The following EFR3A variants were observed in gnomAD, a reference collection of about 807,000 sequenced individuals.
EFR3A encodes the protein EFR3 homolog A.
EFR3A carries 76 observed loss-of-function variants against 104.4 expected under a neutral mutation model. The observed-to-expected ratio is 0.73, with a 90% CI of 0.60 to 0.88. EFR3A has a LOEUF of 0.88. Among genes scored for constraint, EFR3A ranks in the 40% least tolerant of loss-of-function variants. EFR3A has a pLI of 0.00. For missense variants in EFR3A, 985 were observed against 1,012.5 expected (o/e 0.97, Z 0.37); for synonymous variants, 330 against 330.0 (o/e 1.00, Z 0.00).
intron 14 of EFR3A, among the ~76,000 whole-genome samples, chr8:131,980,160 C>G (rs1192142335): frequency 6.6e-6 from 1 of 152,048 alleles, no homozygotes; most frequent in Non-Finnish European, 1.5e-5. Flanking sequence ...GAAAAGGAGA[C>G]AGAGCCCCGT....
At chr8:131,975,826 C>T (rs1820299086) in intron 10 of EFR3A, among the ~76,000 whole-genome samples, 1 of 152,102 alleles carries the variant, frequency 6.6e-6, no homozygotes, top group African/African-American at 2.4e-5. Context: ...ATCTACCAGT[C>T]CATTATACAC....
chr8:131,926,549 T>C lies in EFR3A; in HGVS notation c.11-13950T>C, dbSNP rs1415857819. 5.3e-5 allele frequency among the ~76,000 whole-genome samples: 8 copies of C among 152,276 alleles called. No individual in the cohort carries two copies. In the East Asian group the frequency reaches 1.4e-3, roughly 26 times the overall value. On this transcript the variant is annotated intron_variant, in intron 1 of 22. Coordinates refer to ENST00000254624, the MANE Select transcript of EFR3A (RefSeq NM_015137.6). ...AAAATTACATTTTAAGATATATGTCTGCTTACTGCCAAAACTTATTTACTT... is the reference window on the plus strand; with the variant it reads ...AAAATTACATTTTAAGATATATGTCCGCTTACTGCCAAAACTTATTTACTT...
chr8:131,974,747 A>G (rs563149209), intron 10 of EFR3A, among the ~76,000 whole-genome samples: 4 of 152,336 alleles, frequency 2.6e-5, no homozygotes, highest in South Asian at 4.1e-4. Flanking sequence ...GAGTCATGTT[A>G]AGGTTATGAG....
At chr8:131,908,070 T>C (rs1188596829) in intron 1 of EFR3A, among the ~76,000 whole-genome samples, 1 of 151,188 alleles carries the variant, frequency 6.6e-6, no homozygotes, top group Non-Finnish European at 1.5e-5. Flanking sequence ...TTTTTTTTTT[T>C]CTTTTTTTGA....
At chr8:131,934,926 G>A (rs1362357721) in intron 1 of EFR3A, among the ~76,000 whole-genome samples, 2 of 152,072 alleles carry the variant, frequency 1.3e-5, no homozygotes, top group African/African-American at 2.4e-5. Context: ...GTCTTGTTCT[G>A]ACATCAACTG....
intron 1 of EFR3A, among the ~76,000 whole-genome samples, chr8:131,931,245 A>G (rs531776988): frequency 1.3e-5 from 2 of 152,286 alleles, no homozygotes; most frequent in South Asian, 4.1e-4. Flanking sequence ...CTATGGAAAC[A>G]TAGTTCGCTT....
intron 2 of EFR3A, among the ~76,000 whole-genome samples, chr8:131,941,913 C>T (rs542714022): frequency 4.6e-5 from 7 of 152,118 alleles, no homozygotes; most frequent in Non-Finnish European, 7.4e-5. Context: ...GTTTATATAA[C>T]CTAATTGTAG....
chr8:131,990,435 G>A (rs182273640), intron 18 of EFR3A, among the ~76,000 whole-genome samples: 93 of 152,282 alleles, frequency 6.1e-4, no homozygotes, highest in Non-Finnish European at 1.1e-3. Context: ...AGTAAACTGT[G>A]CTTCATATGG....
rs112472883 is a variant in EFR3A, at chr8:131,953,798, C to CTTT, written c.489-7_489-5dup. 354 of 1,359,836 alleles carry CTTT rather than the reference C, an allele frequency of 2.6e-4. No homozygotes were observed. Among genetic ancestry groups the CTTT allele is most frequent in the South Asian group, 1.2e-3 (76 of 65,930 alleles). 84.2% of individuals were successfully genotyped at this position (1,359,836 alleles called of 1,614,324 possible). On this transcript the variant is annotated intron_variant, in intron 5 of 22. Transcript: ENST00000254624. ...AATTTTTTTATGGCTCATTTTCTTC[C>CTTT]TTTTTTTTTTTTTTTATAGGATACG...
intron 1 of EFR3A, among the ~76,000 whole-genome samples, chr8:131,927,570 A>G (rs1393891950): frequency 6.6e-6 from 1 of 152,170 alleles, no homozygotes; most frequent in Non-Finnish European, 1.5e-5. Flanking sequence ...GGAAGTGAAC[A>G]TGGGCAGCAA....
intron 12 of EFR3A, among the ~76,000 whole-genome samples, chr8:131,977,495 T>G (rs1181404107): frequency 1.3e-5 from 2 of 152,190 alleles, no homozygotes; most frequent in Non-Finnish European, 2.9e-5. Context: ...TGCTTCTGAT[T>G]GGGAAAATAA....
At chr8:132,009,824 A>T (rs1420934007) in intron 22 of EFR3A, among the ~76,000 whole-genome samples, 1 of 152,118 alleles carries the variant, frequency 6.6e-6, no homozygotes, top group Non-Finnish European at 1.5e-5. Flanking sequence ...AAAACTAAAA[A>T]TTATAAGGAA....
intron 4 of EFR3A, among the ~76,000 whole-genome samples, 182 bp from the exon 5 acceptor site, chr8:131,949,787 T>C (rs1818608714): frequency 6.6e-6 from 1 of 152,170 alleles, no homozygotes; most frequent in South Asian, 2.1e-4. Context: ...CACTGCAGCC[T>C]GGGCAACAGA....
At position 131,948,941 on chromosome 8, in the gene EFR3A, A is replaced by G. The variant is rs972255651; in HGVS notation, c.367-1028A>G. 3.9e-5 allele frequency among the ~76,000 whole-genome samples: 6 copies of G among 152,138 alleles called. 1 individual carries two copies. Among genetic ancestry groups the G allele is most frequent in the Non-Finnish European group, 4.4e-5 (3 of 68,010 alleles). On this transcript the variant is annotated intron_variant, in intron 4 of 22. Coordinates refer to ENST00000254624, the MANE Select transcript of EFR3A (RefSeq NM_015137.6). Reference sequence around the variant, plus strand: ...TCCTCTTCATGCTAATGCCAACTCAATATGACAGTAATAGATGCAATGTAT... The same window carrying G: ...TCCTCTTCATGCTAATGCCAACTCAGTATGACAGTAATAGATGCAATGTAT...
chr8:131,979,658 A>C (rs533294194), intron 14 of EFR3A, among the ~76,000 whole-genome samples: 1 of 152,236 alleles, frequency 6.6e-6, no homozygotes, highest in East Asian at 1.9e-4. Flanking sequence ...TTCTTCTCTG[A>C]GTAAAATGTC....
chr8:132,010,960 C>T lies in EFR3A; in HGVS notation c.*65C>T. Reference sequence around the variant, plus strand: ...AAAAATTAAGGCCAAGCTGAGCTTTCAGGGTTTACTTAATGTGTATTAACA... The same window carrying T: ...AAAAATTAAGGCCAAGCTGAGCTTTTAGGGTTTACTTAATGTGTATTAACA... On this transcript the variant is annotated 3_prime_UTR_variant, in exon 23 of 23. Coordinates refer to ENST00000254624, the MANE Select transcript of EFR3A (RefSeq NM_015137.6). The T allele has an allele frequency of 6.7e-7, 1 of 1,489,018 alleles. No individual in the cohort carries two copies. The highest frequency in any genetic ancestry group is 9.1e-7 in the Non-Finnish European group (1 of 1,099,510). The allele number at this position is 1,489,018 out of a possible 1,614,324, so 92.2% of individuals were successfully genotyped here. A position where few individuals can be genotyped will look rare whatever the true frequency, so the allele number is the denominator to read the frequency against.
At chr8:131,944,693 TATA>T in intron 2 of EFR3A, 49 bp from the exon 3 acceptor site, 1 of 1,486,114 alleles carries the variant, frequency 6.7e-7, no homozygotes, top group Non-Finnish European at 9.0e-7. Flanking sequence ...CACTTAAAAA[TATA>T]ATAAGCATGA....
At chr8:131,969,026 T>C (rs1226191852) in intron 9 of EFR3A, among the ~76,000 whole-genome samples, 3 of 152,142 alleles carry the variant, frequency 2.0e-5, no homozygotes, top group Non-Finnish European at 4.4e-5. Flanking sequence ...CAGCAAAATG[T>C]AGGGCACATT....
Position 131,953,808 on chromosome 8 carries a change from T to A in EFR3A, c.489-10T>A, listed in dbSNP as rs776059198. 4.0e-6 allele frequency: 6 copies of A among 1,489,806 alleles called. No individual in the cohort carries two copies. Among genetic ancestry groups the A allele is most frequent in the Non-Finnish European group, 4.5e-6 (5 of 1,122,096 alleles). The allele number at this position is 1,489,806 out of a possible 1,614,324, so 92.3% of individuals were successfully genotyped here. Reference sequence around the variant, plus strand: ...TGGCTCATTTTCTTCCTTTTTTTTTTTTTTTATAGGATACGAATTGCTGGA... The same window carrying A: ...TGGCTCATTTTCTTCCTTTTTTTTTATTTTTATAGGATACGAATTGCTGGA... On this transcript the variant is annotated splice_polypyrimidine_tract_variant and intron_variant, in intron 5 of 22. Transcript: ENST00000254624.
Sources: gnomAD v4.1 joint callset for allele counts (sites outside exome capture counted in the v4.1 genomes callset) on GRCh38, gnomAD v4.1.1 for gene constraint, MANE v1.5 for transcripts, NCBI Gene and HGNC (gene_info 2026-07-23, HGNC 2026-07-21) for gene names.